Variants in GAB2 observed in about 807,000 individuals in gnomAD.
GAB2 encodes GRB2 associated binding protein 2, also known as GRB2-associated-binding protein 2.
Under a neutral mutation model 65.5 loss-of-function variants are expected in GAB2, and 26 were observed. The observed-to-expected ratio is 0.40, with a 90% CI of 0.29 to 0.55. The LOEUF is 0.55. Among genes scored for constraint, GAB2 ranks in the 20% least tolerant of loss-of-function variants. The pLI is 0.53. For synonymous variants in GAB2, 321 were observed against 329.6 expected (o/e 0.97, Z 0.28); for missense variants, 884 against 875.8 (o/e 1.01, Z -0.12).
rs536492136 is a variant in GAB2, at chr11:78,288,638, G to T, written c.76-7737C>A. 3.3e-5 allele frequency among the ~76,000 whole-genome samples: 5 copies of T among 152,254 alleles called. No individual in the cohort carries two copies. In the South Asian group the frequency reaches 1.0e-3, roughly 32 times the overall value. ...AAATCTAAAAAAATCGCTGTGCAGG[G>T]CATGTATGCTAAAAGCTATACAAAG... On this transcript the variant is annotated intron_variant, in intron 1 of 9. Transcript: ENST00000361507.
At chr11:78,246,498 T>A (rs1053214286) in intron 3 of GAB2, among the ~76,000 whole-genome samples, 9 of 152,080 alleles carry the variant, frequency 5.9e-5, no homozygotes, top group African/African-American at 2.2e-4. Flanking sequence ...GAAGTGCTAT[T>A]TTTTTGTTTG....
At chr11:78,254,986 A>G (rs1188381234) in intron 2 of GAB2, among the ~76,000 whole-genome samples, 2 of 151,938 alleles carry the variant, frequency 1.3e-5, no homozygotes, top group Non-Finnish European at 2.9e-5. Context: ...TCCAAAACTC[A>G]TGTCTACCTG....
At position 78,396,434 on chromosome 11, in the gene GAB2, A is replaced by C. The variant is rs112080865; in HGVS notation, c.75+21212T>G. 6.6e-3 allele frequency among the ~76,000 whole-genome samples: 1,010 copies of C among 152,316 alleles called. 4 individuals carry two copies. The highest frequency in any genetic ancestry group is 9.8e-3 in the Non-Finnish European group (665 of 68,012). On this transcript the variant is annotated intron_variant, in intron 1 of 9. Coordinates refer to ENST00000361507, the MANE Select transcript of GAB2 (RefSeq NM_080491.3). ...AGCTATAAGAACATGTTTACACCTCACAGTTTTTGTTTATACAAATTTTGG... is the reference window on the plus strand; with the variant it reads ...AGCTATAAGAACATGTTTACACCTCCCAGTTTTTGTTTATACAAATTTTGG...
At chr11:78,275,540 C>G (rs2134574781) in intron 2 of GAB2, among the ~76,000 whole-genome samples, 1 of 152,210 alleles carries the variant, frequency 6.6e-6, no homozygotes, top group Admixed American at 6.5e-5. Flanking sequence ...CATAACCCAT[C>G]ATGTGACTGA....
At chr11:78,359,242 C>A (rs1181146751) in intron 1 of GAB2, among the ~76,000 whole-genome samples, 1 of 152,080 alleles carries the variant, frequency 6.6e-6, no homozygotes, top group Non-Finnish European at 1.5e-5. Flanking sequence ...AACCGCATAT[C>A]CAGTAAGCTA....
At chr11:78,346,721 A>ATATAT (rs1491548868) in intron 1 of GAB2, among the ~76,000 whole-genome samples, 74 of 34,534 alleles carry the variant, frequency 2.1e-3, no homozygotes, top group South Asian at 5.5e-3. Flanking sequence ...ATATATATAT[A>ATATAT]ATTTTTTTTT....
In GAB2 at chr11:78,346,722, A is replaced by ATT. The variant is rs1377368541; in HGVS notation, c.76-65823_76-65822dup. Reference sequence around the variant, plus strand: ...ATATATATATATATATATATATATAATTTTTTTTTTTTTTAGGAAAAGAAA... The same window carrying ATT: ...ATATATATATATATATATATATATAATTTTTTTTTTTTTTTTAGGAAAAGAAA... On this transcript the variant is annotated intron_variant, in intron 1 of 9. Coordinates refer to ENST00000361507, the MANE Select transcript of GAB2 (RefSeq NM_080491.3). Among the ~76,000 whole-genome samples the ATT allele has an allele frequency of 9.7e-3, 298 of 30,758 alleles. 10 individuals carry two copies. The highest frequency in any genetic ancestry group is 0.017 in the South Asian group (15 of 900). 20.2% of individuals were successfully genotyped at this position (30,758 alleles called of 152,430 possible).
chr11:78,362,357 T>C (rs1856445205), intron 1 of GAB2, among the ~76,000 whole-genome samples: 1 of 152,092 alleles, frequency 6.6e-6, no homozygotes, highest in African/African-American at 2.4e-5. Flanking sequence ...ATTTAAACAT[T>C]TTAATAAGTA....
chr11:78,222,689 T>C (rs564780074), intron 6 of GAB2, among the ~76,000 whole-genome samples: 1 of 152,160 alleles, frequency 6.6e-6, no homozygotes, highest in African/African-American at 2.4e-5. Context: ...TTCAAGTGAT[T>C]CTCCTGCCTC....
At position 78,417,726 on chromosome 11, in the gene GAB2, C is replaced by A; in HGVS notation, c.-6G>T. 7.7e-7 allele frequency: 1 copy of A among 1,298,782 alleles called. No individual in the cohort carries two copies. Among genetic ancestry groups the A allele is most frequent in the Non-Finnish European group, 1.0e-6 (1 of 997,688 alleles). 80.5% of individuals were successfully genotyped at this position (1,298,782 alleles called of 1,614,324 possible). On this transcript the variant is annotated 5_prime_UTR_variant, in exon 1 of 10. Transcript: ENST00000361507. Reference sequence around the variant, plus strand: ...ACGTCGCCGCCGCCGCTCATGCTGCCGGCCTGGAGCCCCCCGCCGGGTCGC... The same window carrying A: ...ACGTCGCCGCCGCCGCTCATGCTGCAGGCCTGGAGCCCCCCGCCGGGTCGC...
chr11:78,414,530 T>C, intron 1 of GAB2, among the ~76,000 whole-genome samples: 1 of 152,218 alleles, frequency 6.6e-6, no homozygotes, highest in East Asian at 1.9e-4. Context: ...AAGAAAATTC[T>C]GTTTAATAAT....
At chr11:78,220,472 T>C in intron 8 of GAB2, 28 bp from the exon 9 acceptor site, 6 of 1,544,024 alleles carry the variant, frequency 3.9e-6, no homozygotes, top group South Asian at 1.2e-5. Flanking sequence ...AAACTGTGAG[T>C]GACTGCAGAA....
chr11:78,360,346 A>G (rs1033946444), intron 1 of GAB2, among the ~76,000 whole-genome samples: 5 of 151,580 alleles, frequency 3.3e-5, no homozygotes, highest in Non-Finnish European at 7.4e-5. Context: ...AAGCTGGCAC[A>G]GTACTTGAGA....
At chr11:78,364,901 A>T (rs1856478308) in intron 1 of GAB2, among the ~76,000 whole-genome samples, 1 of 149,154 alleles carries the variant, frequency 6.7e-6, no homozygotes, top group South Asian at 2.1e-4. Flanking sequence ...CTTTTTAAAA[A>T]TATATATATA....
chr11:78,272,233 G>T (rs766239132), intron 2 of GAB2, among the ~76,000 whole-genome samples: 26 of 152,212 alleles, frequency 1.7e-4, no homozygotes, highest in Non-Finnish European at 3.5e-4. Flanking sequence ...GAAGTGACAG[G>T]AACTGGGTAA....
At chr11:78,320,560 G>C (rs1375136809) in intron 1 of GAB2, among the ~76,000 whole-genome samples, 3 of 152,056 alleles carry the variant, frequency 2.0e-5, no homozygotes. Context: ...CTTGAGAAGA[G>C]CAAGCCTAGC....
chr11:78,407,450 G>T (rs918887232), intron 1 of GAB2, among the ~76,000 whole-genome samples: 18 of 152,018 alleles, frequency 1.2e-4, no homozygotes, highest in Admixed American at 1.3e-4. Context: ...GGCCAACATA[G>T]TGAAACCCTG....
intron 1 of GAB2, among the ~76,000 whole-genome samples, chr11:78,321,698 T>C (rs1360297118): frequency 8.5e-5 from 13 of 152,154 alleles, no homozygotes; most frequent in Admixed American, 8.5e-4. Flanking sequence ...AAAATTGACA[T>C]GTTCTTCAGA....
At chr11:78,380,232 G>A (rs940246247) in intron 1 of GAB2, among the ~76,000 whole-genome samples, 3 of 148,218 alleles carry the variant, frequency 2.0e-5, no homozygotes, top group East Asian at 2.0e-4. Context: ...TTTTTGAGAC[G>A]AAGTCTCGCT....
Sources: allele counts gnomAD v4.1 joint callset (sites outside exome capture counted in the v4.1 genomes callset), GRCh38; gene constraint gnomAD v4.1.1; transcripts MANE v1.5; gene names NCBI Gene and HGNC (gene_info 2026-07-23, HGNC 2026-07-21).